Variants in NPR2 observed in about 807,000 individuals in gnomAD.
NPR2 encodes the protein atrial natriuretic peptide receptor 2.
Under a neutral mutation model 120.7 loss-of-function variants are expected in NPR2, and 49 were observed. The observed-to-expected ratio is 0.41, with a 90% CI of 0.32 to 0.52. The LOEUF is 0.52. Among genes scored for constraint, NPR2 ranks in the 20% least tolerant of loss-of-function variants. The pLI is 0.36. For missense variants in NPR2, 931 were observed against 1,362.9 expected, an observed-to-expected ratio of 0.68 and a Z score of 4.99; for synonymous variants, 484 against 519.8, an observed-to-expected ratio of 0.93 and a Z score of 0.94.
rs768836381 is a variant in NPR2, at chr9:35,792,762, C to T, written c.354C>T (p.Pro118=). Residue 118 remains proline (P), a synonymous_variant, in exon 1 of 22, where the codon CCC becomes CCT. Transcript: ENST00000342694. ...VARFASHWRL[P]LLTAGAVASG... is the part of the protein sequence containing the mutation. ...GCTTTGCCTCCCACTGGCGCCTTCC[C>T]CTGCTGACTGCGGGTGCTGTGGCCT... The T allele has an allele frequency of 4.3e-6, 7 of 1,614,096 alleles. No individual in the cohort carries two copies. Among genetic ancestry groups the T allele is most frequent in the Non-Finnish European group, 5.9e-6 (7 of 1,180,048 alleles).
chr9:35,792,306 C>G lies in NPR2; in HGVS notation c.-103C>G. ...CCTACCTAGCCTACTCCTCCTCTTC[C>G]TGGCCCTCTTCCCCAGGCTCCAGGC... On this transcript the variant is annotated 5_prime_UTR_variant, in exon 1 of 22. Coordinates refer to ENST00000342694, the MANE Select transcript of NPR2 (RefSeq NM_003995.4). 7.8e-7 allele frequency: 1 copy of G among 1,288,974 alleles called. No homozygotes were observed. Among genetic ancestry groups the G allele is most frequent in the Non-Finnish European group, 1.1e-6 (1 of 943,044 alleles). The allele number at this position is 1,288,974 out of a possible 1,614,324, so 79.8% of individuals were successfully genotyped here.
In NPR2 at chr9:35,806,906, C is replaced by A; in HGVS notation, c.2520-117C>A. The A allele has an allele frequency of 8.4e-7, 1 of 1,194,596 alleles. No homozygotes were observed. Among genetic ancestry groups the A allele is most frequent in the Non-Finnish European group, 1.2e-6 (1 of 822,742 alleles). The allele number at this position is 1,194,596 out of a possible 1,614,324, so 74.0% of individuals were successfully genotyped here. A position where few individuals can be genotyped will look rare whatever the true frequency, so the allele number is the denominator to read the frequency against. ...TCCCAGCCACTTTCCTCCCTCCCAC[C>A]TGAAAAGCCTAGCTTTCTTGTTACA... On this transcript the variant is annotated intron_variant, in intron 16 of 21. Coordinates refer to ENST00000342694, the MANE Select transcript of NPR2 (RefSeq NM_003995.4). The surrounding 1 kb of genome is among the most constrained non-coding windows in gnomAD (Gnocchi z 4.6).
At position 35,808,608 on chromosome 9, in the gene NPR2, C is replaced by G; in HGVS notation, c.2812C>G (p.Leu938Val). 7 of 1,614,180 alleles carry G rather than the reference C, an allele frequency of 4.3e-6. No homozygotes were observed. The highest frequency in any genetic ancestry group is 5.9e-6 in the Non-Finnish European group (7 of 1,179,994). ...AATTGCTCGTATGGCCCTAGCATTACTAGATGCAGTTTCTTCCTTTCGCAT... is the reference window on the plus strand; with the variant it reads ...AATTGCTCGTATGGCCCTAGCATTAGTAGATGCAGTTTCTTCCTTTCGCAT... ...PEIARMALAL[L>V]DAVSSFRIRH... The change falls in exon 19 of 22, where the codon CTA (leucine) becomes GTA (valine). Residue 938 changes from leucine to valine, a missense_variant. Coordinates refer to ENST00000342694, the MANE Select transcript of NPR2 (RefSeq NM_003995.4). This position sits in a 1 kb window ranked among gnomAD's most constrained non-coding sequence, Gnocchi z 4.0.
At chr9:35,795,738 A>C (rs1827927254) in intron 2 of NPR2, among the ~76,000 whole-genome samples, 1 of 152,126 alleles carries the variant, frequency 6.6e-6, no homozygotes, top group Admixed American at 6.5e-5. Context: ...ATTCTTTAAG[A>C]CTCATACCAG....
chr9:35,802,566 A>G lies in NPR2; in HGVS notation c.1774A>G (p.Ile592Val), dbSNP rs557573284. The change falls in exon 11 of 22, where the codon ATT (isoleucine) becomes GTT (valine). Residue 592 changes from isoleucine to valine, a missense_variant. Physicochemically the swap from Ile to Val is conservative, Grantham distance 29. Coordinates refer to ENST00000342694, the MANE Select transcript of NPR2 (RefSeq NM_003995.4). This position sits in a 1 kb window ranked among gnomAD's most constrained non-coding sequence, Gnocchi z 4.2. ...TGGCGCCTGCATAGACCCTCCCAAC[A>G]TTTGCATTGTCACTGAATACTGTCC... ...FIGACIDPPN[I>V]CIVTEYCPRG... 6.2e-7 allele frequency: 1 copy of G among 1,607,984 alleles called. No homozygotes were observed. The highest frequency in any genetic ancestry group is 2.2e-5 in the East Asian group (1 of 44,850).
In NPR2 at chr9:35,806,643, C is replaced by T; in HGVS notation, c.2519+105C>T. 8.0e-7 allele frequency: 1 copy of T among 1,256,056 alleles called. No homozygotes were observed. The highest frequency in any genetic ancestry group is 2.3e-5 in the East Asian group (1 of 43,144). 77.8% of individuals were successfully genotyped at this position (1,256,056 alleles called of 1,614,324 possible). A position where few individuals can be genotyped will look rare whatever the true frequency, so the allele number is the denominator to read the frequency against. On this transcript the variant is annotated intron_variant, in intron 16 of 21. Coordinates refer to ENST00000342694, the MANE Select transcript of NPR2 (RefSeq NM_003995.4). This position sits in a 1 kb window ranked among gnomAD's most constrained non-coding sequence, Gnocchi z 4.6. ...TCGCCTCCCCACCCTCAGAACCCTG[C>T]TGGCCACAGGGAGCACCCCTGCTTA...
Position 35,805,706 on chromosome 9 carries a change from C to T in NPR2, c.2047+36C>T, listed in dbSNP as rs1828345324. 6.2e-7 allele frequency: 1 copy of T among 1,612,634 alleles called. No homozygotes were observed. Among genetic ancestry groups the T allele is most frequent in the South Asian group, 1.1e-5 (1 of 91,036 alleles). On this transcript the variant is annotated intron_variant, in intron 13 of 21. Coordinates refer to ENST00000342694, the MANE Select transcript of NPR2 (RefSeq NM_003995.4). This position sits in a 1 kb window ranked among gnomAD's most constrained non-coding sequence, Gnocchi z 4.9. ...CCCCCACAACCCACTTTTTATATTG[C>T]TCCTCTTTCCACCTAGGGATGGTGG...
rs372138820 is a variant in NPR2, at chr9:35,806,984, C to T, written c.2520-39C>T. The T allele has an allele frequency of 6.8e-6, 11 of 1,612,286 alleles. No homozygotes were observed. The African/African-American group carries it at 1.2e-4, about 18-fold the overall frequency. ...TTTCCCTCTCTCTTCCACTCCTGCT[C>T]TCTTGGAGTTTGGCTCATACGGCAC... On this transcript the variant is annotated intron_variant, in intron 16 of 21. Transcript: ENST00000342694. This position sits in a 1 kb window ranked among gnomAD's most constrained non-coding sequence, Gnocchi z 4.6.
chr9:35,802,011 A>G lies in NPR2; in HGVS notation c.1632+11A>G, dbSNP rs1392007649. The G allele has an allele frequency of 1.2e-6, 2 of 1,612,542 alleles. No individual in the cohort carries two copies. The highest frequency in any genetic ancestry group is 1.7e-6 in the Non-Finnish European group (2 of 1,178,656). ...ACCGGTCACTTCAAGGTGAACAGTC[A>G]TTTGCTTGTTCTGGTCCCCACCATT... On this transcript the variant is annotated intron_variant, in intron 9 of 21. Transcript: ENST00000342694. The surrounding 1 kb of genome is among the most constrained non-coding windows in gnomAD (Gnocchi z 4.2).
At chr9:35,793,871 G>C (rs1196275655) in intron 1 of NPR2, 27 bp from the exon 2 acceptor site, 1 of 1,611,354 alleles carries the variant, frequency 6.2e-7, no homozygotes, top group South Asian at 1.1e-5. Flanking sequence ...TTCTCAGGGT[G>C]CTCCTCTGTC....
chr9:35,794,137 G>T, intron 2 of NPR2, 34 bp downstream of exon 2: 4 of 1,594,202 alleles, frequency 2.5e-6, no homozygotes, highest in Non-Finnish European at 3.4e-6. Flanking sequence ...GGAGGAGGGG[G>T]AAGAGGTGCT....
intron 2 of NPR2, among the ~76,000 whole-genome samples, chr9:35,794,468 A>G (rs1255244157): frequency 6.6e-6 from 1 of 152,168 alleles, no homozygotes; most frequent in Non-Finnish European, 1.5e-5. Context: ...ACAGTCAGAC[A>G]AAGTTTGAGA....
intron 2 of NPR2, among the ~76,000 whole-genome samples, chr9:35,797,382 C>A (rs1158006599): frequency 6.6e-6 from 1 of 152,202 alleles, no homozygotes; most frequent in Non-Finnish European, 1.5e-5. Flanking sequence ...AGGTCACAAC[C>A]TACATGACCA....
intron 12 of NPR2, among the ~76,000 whole-genome samples, chr9:35,804,714 C>T (rs371927407): frequency 6.6e-6 from 1 of 152,000 alleles, no homozygotes; most frequent in African/African-American, 2.4e-5. Context: ...TCCTCTACCC[C>T]GACTTGCCCA....
At position 35,805,751 on chromosome 9, in the gene NPR2, A is replaced by G. The variant is rs988948645; in HGVS notation, c.2048-79A>G. The G allele has an allele frequency of 3.7e-6, 6 of 1,607,574 alleles. No homozygotes were observed. Among genetic ancestry groups the G allele is most frequent in the African/African-American group, 1.3e-5 (1 of 74,780 alleles). On this transcript the variant is annotated intron_variant, in intron 13 of 21. Coordinates refer to ENST00000342694, the MANE Select transcript of NPR2 (RefSeq NM_003995.4). The surrounding 1 kb of genome is among the most constrained non-coding windows in gnomAD (Gnocchi z 4.9). ...TGGTGGGAGAGGGAGGTGGAGTGAC[A>G]GTAATATAGGGATGAGCCCAGGTGG...
In NPR2 at chr9:35,794,044, C is replaced by G. The variant is rs61758519; in HGVS notation, c.814C>G (p.Arg272Gly). The change falls in exon 2 of 22, where the codon CGG (arginine) becomes GGG (glycine). Residue 272 changes from arginine to glycine, a missense_variant. Transcript: ENST00000342694. ...LRAGPTRATGRPWQDNRTREQ... is the reference protein window; with the variant it reads ...LRAGPTRATGGPWQDNRTREQ... ...TGCAGGCCCCACACGTGCTACAGGC[C>G]GGCCCTGGCAGGACAATCGCACCCG... The G allele has an allele frequency of 6.2e-7, 1 of 1,614,094 alleles. No homozygotes were observed. Among genetic ancestry groups the G allele is most frequent in the Admixed American group, 1.7e-5 (1 of 60,006 alleles).
Position 35,807,117 on chromosome 9 carries a change from G to A in NPR2, c.2614G>A (p.Ala872Thr). The change falls in exon 17 of 22, where the codon GCA (alanine) becomes ACA (threonine). Residue 872 changes from alanine to threonine, a missense_variant. Transcript: ENST00000342694. ...IYFSDIVGFT[A>T]LSAESTPMQV... ...CTTCAGTGACATTGTTGGCTTCACA[G>A]CATTGTCAGCAGAGAGCACCCCCAT... 6.9e-7 allele frequency: 1 copy of A among 1,455,660 alleles called. No homozygotes were observed. The highest frequency in any genetic ancestry group is 9.2e-7 in the Non-Finnish European group (1 of 1,081,558). 90.2% of individuals were successfully genotyped at this position (1,455,660 alleles called of 1,614,324 possible). A position where few individuals can be genotyped will look rare whatever the true frequency, so the allele number is the denominator to read the frequency against.
At position 35,800,804 on chromosome 9, in the gene NPR2, C is replaced by T; in HGVS notation, c.1314C>T (p.Pro438=). Residue 438 remains proline (P), a synonymous_variant, in exon 6 of 22, where the codon CCC becomes CCT. Coordinates refer to ENST00000342694, the MANE Select transcript of NPR2 (RefSeq NM_003995.4). This position sits in a 1 kb window ranked among gnomAD's most constrained non-coding sequence, Gnocchi z 4.7. ...GGGCTCCTCCCTCGGACAATCCCCC[C>T]TGTGCCTTTGACTTGGACGACCCAT... ...VKGAPPSDNP[P]CAFDLDDPSC... is the part of the protein sequence containing the mutation. 2 of 1,614,180 alleles carry T rather than the reference C, an allele frequency of 1.2e-6. No homozygotes were observed. The highest frequency in any genetic ancestry group is 2.2e-5 in the East Asian group (1 of 44,870).
chr9:35,802,327 G>A lies in NPR2; in HGVS notation c.1710+44G>A, dbSNP rs779158593. On this transcript the variant is annotated intron_variant, in intron 10 of 21. Coordinates refer to ENST00000342694, the MANE Select transcript of NPR2 (RefSeq NM_003995.4). The surrounding 1 kb of genome is among the most constrained non-coding windows in gnomAD (Gnocchi z 4.2). ...ACTCTAACATGTATGTAATGGAGGAGTGGGGAAAACTATGAAATAGTAAAA... is the reference window on the plus strand; with the variant it reads ...ACTCTAACATGTATGTAATGGAGGAATGGGGAAAACTATGAAATAGTAAAA... 1.6e-6 allele frequency: 2 copies of A among 1,223,940 alleles called. No individual in the cohort carries two copies. The highest frequency in any genetic ancestry group is 3.4e-5 in the Admixed American group (2 of 59,524). The allele number at this position is 1,223,940 out of a possible 1,614,324, so 75.8% of individuals were successfully genotyped here. A position where few individuals can be genotyped will look rare whatever the true frequency, so the allele number is the denominator to read the frequency against.
Sources: allele counts gnomAD v4.1 joint callset (sites outside exome capture counted in the v4.1 genomes callset), GRCh38; gene constraint gnomAD v4.1.1; non-coding constraint Gnocchi (gnomAD v3.1); transcripts MANE v1.5; gene names NCBI Gene and HGNC (gene_info 2026-07-23, HGNC 2026-07-21).